Variants in LMCD1 observed in about 807,000 individuals in gnomAD.
The protein encoded by LMCD1 is LIM and cysteine rich domains 1, also known as LIM and cysteine-rich domains protein 1.
In LMCD1, 32 loss-of-function variants were observed where a neutral mutation model predicts 42.7. The ratio of observed to expected loss-of-function variants is 0.75; its 90% CI spans 0.57 to 1.01. The LOEUF (loss-of-function observed/expected upper bound fraction) is 1.01, where lower values mean the gene tolerates loss of function less well. Among genes scored for constraint, LMCD1 ranks in the 50% least tolerant of loss-of-function variants. LMCD1 has a pLI of 0.00. For missense variants in LMCD1, 458 were observed against 483.1 expected (o/e 0.95, Z 0.49); for synonymous variants, 178 against 184.9 (o/e 0.96, Z 0.30).
At chr3:8,562,479 G>A (rs1426308125) in intron 4 of LMCD1, among the ~76,000 whole-genome samples, 2 of 152,182 alleles carry the variant, frequency 1.3e-5, no homozygotes, top group Non-Finnish European at 2.9e-5. Context: ...TCCCAGCTCT[G>A]TTTCTTGGCT....
chr3:8,553,823 A>T (rs1694882068), intron 4 of LMCD1, among the ~76,000 whole-genome samples: 1 of 152,158 alleles, frequency 6.6e-6, no homozygotes. Context: ...AAGCCTGAAA[A>T]ATCCCAGTGC....
chr3:8,538,460 C>T (rs991237665), intron 3 of LMCD1, among the ~76,000 whole-genome samples: 1 of 152,168 alleles, frequency 6.6e-6, no homozygotes, highest in Non-Finnish European at 1.5e-5. Context: ...AAAAGGAGTG[C>T]CTTTGGAGCC....
At chr3:8,539,602 C>T (rs555543017) in intron 3 of LMCD1, among the ~76,000 whole-genome samples, 12 of 152,110 alleles carry the variant, frequency 7.9e-5, no homozygotes, top group Non-Finnish European at 1.2e-4. Flanking sequence ...CTTCAGGGAC[C>T]GGCTGGTGAA....
chr3:8,528,732 C>T (rs916839040), intron 1 of LMCD1, among the ~76,000 whole-genome samples: 3 of 152,128 alleles, frequency 2.0e-5, no homozygotes, highest in Non-Finnish European at 4.4e-5. Flanking sequence ...CATTCCTCTT[C>T]CTCTCAACCC....
intron 1 of LMCD1, among the ~76,000 whole-genome samples, chr3:8,515,671 A>G (rs1471907312): frequency 6.6e-6 from 1 of 152,146 alleles, no homozygotes; most frequent in Non-Finnish European, 1.5e-5. Flanking sequence ...AGTGGGATGG[A>G]ATCGGGAAAT....
chr3:8,565,850 A>C (rs911984149), intron 5 of LMCD1, among the ~76,000 whole-genome samples: 3 of 152,262 alleles, frequency 2.0e-5, no homozygotes, highest in African/African-American at 7.2e-5. Context: ...GGGAGGGGTC[A>C]GACACAGTGC....
chr3:8,527,263 A>G lies in LMCD1; in HGVS notation c.43-5474A>G, dbSNP rs527475100. Among the ~76,000 whole-genome samples, 72 of 152,342 alleles carry G rather than the reference A, an allele frequency of 4.7e-4. 2 individuals carry two copies. In the South Asian group the frequency reaches 0.015, roughly 31 times the overall value. On this transcript the variant is annotated intron_variant, in intron 1 of 5. Transcript: ENST00000157600. The stretch of plus-strand genomic sequence containing the variant: ...TTTGATTAAAGGCCAGTATAGGAAA[A>G]GGTAGATTTAGGATACCCCACCACC...
chr3:8,540,604 G>A (rs2125027092), intron 3 of LMCD1, among the ~76,000 whole-genome samples: 1 of 152,342 alleles, frequency 6.6e-6, no homozygotes, highest in African/African-American at 2.4e-5. Context: ...TGGCAGGTGG[G>A]AGGGGAGGCA....
At chr3:8,564,974 C>A (rs1304747716) in intron 4 of LMCD1, among the ~76,000 whole-genome samples, 5 of 152,130 alleles carry the variant, frequency 3.3e-5, no homozygotes, top group Admixed American at 3.3e-4. Context: ...TTAAAATTTT[C>A]TTCTACTTTT....
intron 3 of LMCD1, among the ~76,000 whole-genome samples, chr3:8,545,241 A>G (rs1271052432): frequency 1.3e-5 from 2 of 152,194 alleles, no homozygotes; most frequent in Non-Finnish European, 2.9e-5. Flanking sequence ...TTAATTAGGA[A>G]TGTTGCCCAG....
At chr3:8,502,760 C>A (rs1574941290) in intron 1 of LMCD1, among the ~76,000 whole-genome samples, 1 of 152,046 alleles carries the variant, frequency 6.6e-6, no homozygotes, top group Admixed American at 6.5e-5. Context: ...CAGGAGCCTG[C>A]GGCTGTGCCT....
chr3:8,540,132 CA>C (rs1391969672), intron 3 of LMCD1, among the ~76,000 whole-genome samples: 1 of 152,042 alleles, frequency 6.6e-6, no homozygotes, highest in African/African-American at 2.4e-5. Context: ...ATCGCAAGGA[CA>C]GAAAACCAAA....
At chr3:8,558,468 G>A (rs1270728499) in intron 4 of LMCD1, among the ~76,000 whole-genome samples, 1 of 152,212 alleles carries the variant, frequency 6.6e-6, no homozygotes, top group East Asian at 1.9e-4. Flanking sequence ...TTTCTGAAAG[G>A]TTTGTTTCAC....
At chr3:8,502,331 T>C (rs1413263853) in intron 1 of LMCD1, among the ~76,000 whole-genome samples, 2 of 56,292 alleles carry the variant, frequency 3.6e-5, no homozygotes, top group African/African-American at 1.7e-4. Context: ...TTATATATAA[T>C]ATATATTATA....
chr3:8,563,259 G>A (rs1047794593), intron 4 of LMCD1, among the ~76,000 whole-genome samples: 1 of 152,202 alleles, frequency 6.6e-6, no homozygotes, highest in Non-Finnish European at 1.5e-5. Flanking sequence ...AATTGCCCCT[G>A]GAAGGAGGTC....
At chr3:8,550,900 C>T (rs1187650912) in intron 4 of LMCD1, 1 of 985,250 alleles carries the variant, frequency 1.0e-6, no homozygotes, top group Non-Finnish European at 1.2e-6. Context: ...TTATTCTTGA[C>T]TGAGCCTCGC....
intron 2 of LMCD1, among the ~76,000 whole-genome samples, chr3:8,533,549 A>G (rs1354122490): frequency 6.6e-6 from 1 of 152,100 alleles, no homozygotes; most frequent in East Asian, 1.9e-4. Flanking sequence ...TTTTATCACC[A>G]CTGCTGTAGC....
chr3:8,533,343 TTTTC>T (rs1480865444), intron 2 of LMCD1, among the ~76,000 whole-genome samples: 10 of 152,006 alleles, frequency 6.6e-5, no homozygotes, highest in Admixed American at 5.9e-4. Flanking sequence ...TTCGCAGAGG[TTTTC>T]TTTCTTTTTT....
intron 4 of LMCD1, among the ~76,000 whole-genome samples, chr3:8,559,866 T>A (rs1694999013): frequency 6.6e-6 from 1 of 152,234 alleles, no homozygotes; most frequent in African/African-American, 2.4e-5. Context: ...CATGGAGTGA[T>A]AATGATACTG....
Sources: gnomAD v4.1 joint callset for allele counts (sites outside exome capture counted in the v4.1 genomes callset) on GRCh38, gnomAD v4.1.1 for gene constraint, MANE v1.5 for transcripts, NCBI Gene and HGNC (gene_info 2026-07-23, HGNC 2026-07-21) for gene names.